GLS: variants seen among roughly 807,000 people sequenced by gnomAD.
GLS encodes the protein glutaminase kidney isoform, mitochondrial.
GLS carries 36 observed loss-of-function variants against 86.7 expected under a neutral mutation model. The observed-to-expected ratio is 0.42, with a 90% CI of 0.32 to 0.55. The LOEUF (loss-of-function observed/expected upper bound fraction) is 0.55. GLS is among the 20% of genes least tolerant of loss of function. The pLI is 0.17. For missense variants in GLS, 528 were observed against 833.4 expected (o/e 0.63, Z 4.51); for synonymous variants, 317 against 305.9 (o/e 1.04, Z -0.38).
intron 3 of GLS, among the ~76,000 whole-genome samples, chr2:190,898,483 G>T (rs939002691): frequency 7.9e-5 from 12 of 152,118 alleles, no homozygotes; most frequent in African/African-American, 2.4e-4. Flanking sequence ...ATGGTGATCG[G>T]TATGCAGTTA....
intron 1 of GLS, chr2:190,881,792 C>T: frequency 7.8e-6 from 2 of 255,448 alleles, no homozygotes; most frequent in Non-Finnish European, 1.5e-5. Flanking sequence ...GCGCTGCGTG[C>T]TCAGCTCCCT....
intron 3 of GLS, among the ~76,000 whole-genome samples, chr2:190,898,336 A>G (rs1031211474): frequency 1.3e-5 from 2 of 152,226 alleles, no homozygotes; most frequent in Admixed American, 1.3e-4. Flanking sequence ...AAAACTGAAC[A>G]AAGGACAGAG....
intron 7 of GLS, among the ~76,000 whole-genome samples, chr2:190,916,908 G>T (rs1689553162): frequency 6.6e-6 from 1 of 152,156 alleles, no homozygotes; most frequent in Admixed American, 6.6e-5. Flanking sequence ...AAATGCTAAG[G>T]ATCATCGGAG....
rs149054832 is a variant in GLS, at chr2:190,942,440, G to A, written c.1650+10803G>A. On this transcript the variant is annotated intron_variant, in intron 14 of 17. Transcript: ENST00000320717. ...ATTTGGTTTTTAAATACTGCTCTGCGGAGAATGGATTAAAGAGAGAGAAAG... is the reference window on the plus strand; with the variant it reads ...ATTTGGTTTTTAAATACTGCTCTGCAGAGAATGGATTAAAGAGAGAGAAAG... 1.5e-4 allele frequency among the ~76,000 whole-genome samples: 23 copies of A among 152,230 alleles called. No individual in the cohort carries two copies. In the East Asian group the frequency reaches 3.7e-3, roughly 24 times the overall value.
intron 1 of GLS, among the ~76,000 whole-genome samples, chr2:190,886,515 C>T (rs1334993473): frequency 6.6e-6 from 1 of 151,782 alleles, no homozygotes; most frequent in Non-Finnish European, 1.5e-5. Flanking sequence ...AATATGTAGG[C>T]CAGCTAAAAG....
At chr2:190,891,123 T>G (rs1364046749) in intron 1 of GLS, among the ~76,000 whole-genome samples, 1 of 152,122 alleles carries the variant, frequency 6.6e-6, no homozygotes, top group African/African-American at 2.4e-5. Flanking sequence ...TGCTCCTAAT[T>G]ACAGATTAGA....
chr2:190,881,647 T>C (rs1029945648), intron 1 of GLS, 177 bp downstream of exon 1: 6 of 560,268 alleles, frequency 1.1e-5, no homozygotes, highest in East Asian at 3.7e-5. Flanking sequence ...CGCCCGCGCC[T>C]TCCCCGCCCG....
intron 5 of GLS, 151 bp from the exon 6 acceptor site, chr2:190,904,853 A>T: frequency 1.6e-6 from 1 of 613,556 alleles, no homozygotes. Context: ...GACTGTACTT[A>T]AATTTATTCT....
At chr2:190,929,537 T>G (rs1690030924) in intron 12 of GLS, among the ~76,000 whole-genome samples, 1 of 151,464 alleles carries the variant, frequency 6.6e-6, no homozygotes. Context: ...TGGTGCGATC[T>G]TGGCTCACTG....
Position 190,880,893 on chromosome 2 carries a change from A to AGCAGCAGCG in GLS, c.-184_-183insGGCAGCAGC, listed in dbSNP as rs1688116948. 2 of 511,368 alleles carry AGCAGCAGCG rather than the reference A, an allele frequency of 3.9e-6. No homozygotes were observed. The highest frequency in any genetic ancestry group is 3.2e-5 in the Admixed American group (1 of 31,050). The allele number at this position is 511,368 out of a possible 1,614,324, so 31.7% of individuals were successfully genotyped here. The stretch of plus-strand genomic sequence containing the variant: ...AGCGCGCAGCAGCAGCAGCAGCAGC[A>AGCAGCAGCG]GCAGCAGCAGCAGCAGCAGCAGCAG... On this transcript the variant is annotated 5_prime_UTR_variant, in exon 1 of 18. Transcript: ENST00000320717.
rs893264560 is a variant in GLS at position 190,897,712 on chromosome 2, C to T, written c.605+1987C>T. On this transcript the variant is annotated intron_variant, in intron 3 of 17. Coordinates refer to ENST00000320717, the MANE Select transcript of GLS (RefSeq NM_014905.5). The surrounding 1 kb of genome is among the most constrained non-coding windows in gnomAD (Gnocchi z 4.3). The stretch of plus-strand genomic sequence containing the variant: ...TAAGAAGTTACCTAGTTAGTGTTGC[C>T]AGAAATAAACTTCTCCCTTTCATGC... Among the ~76,000 whole-genome samples the T allele has an allele frequency of 2.0e-5, 3 of 152,114 alleles. No homozygotes were observed. Among genetic ancestry groups the T allele is most frequent in the African/African-American group, 7.2e-5 (3 of 41,420 alleles).
chr2:190,901,208 A>G (rs1261108531), intron 4 of GLS, among the ~76,000 whole-genome samples: 1 of 152,100 alleles, frequency 6.6e-6, no homozygotes, highest in Non-Finnish European at 1.5e-5. Context: ...CTTAAAACTT[A>G]ACTACTTATA....
chr2:190,906,665 C>T (rs778908905), intron 6 of GLS, among the ~76,000 whole-genome samples: 24 of 152,110 alleles, frequency 1.6e-4, no homozygotes, highest in Admixed American at 5.9e-4. Flanking sequence ...TATATTACAC[C>T]TTCCTGAATT....
chr2:190,929,658 C>T (rs1338805681), intron 12 of GLS, among the ~76,000 whole-genome samples: 3 of 151,698 alleles, frequency 2.0e-5, no homozygotes, highest in African/African-American at 4.8e-5. Context: ...TTTGTGGAGA[C>T]GGAGTTTTGC....
In GLS at chr2:190,953,770, T is replaced by A. The variant is rs1574621580; in HGVS notation, c.1712+144T>A. On this transcript the variant is annotated intron_variant, in intron 15 of 17. Transcript: ENST00000320717. The surrounding 1 kb of genome is among the most constrained non-coding windows in gnomAD (Gnocchi z 4.0). ...AACAAAATTTTTATTAAATAGGCACTTCCAGTGCCTTAGGCCTGCTTTCCA... is the reference window on the plus strand; with the variant it reads ...AACAAAATTTTTATTAAATAGGCACATCCAGTGCCTTAGGCCTGCTTTCCA... 6.3e-6 allele frequency: 4 copies of A among 636,310 alleles called. No homozygotes were observed. The highest frequency in any genetic ancestry group is 1.1e-5 in the Non-Finnish European group (4 of 353,458). 39.4% of individuals were successfully genotyped at this position (636,310 alleles called of 1,614,324 possible).
chr2:190,933,283 T>C (rs1690168671), intron 14 of GLS: 3 of 911,596 alleles, frequency 3.3e-6, no homozygotes, highest in East Asian at 1.2e-4. Flanking sequence ...GTGATGTCTT[T>C]AGTGGCAATA....
Position 190,927,350 on chromosome 2 carries a change from T to G in GLS, c.1293T>G (p.Ala431=), listed in dbSNP as rs775577640. 3 of 1,613,694 alleles carry G rather than the reference T, an allele frequency of 1.9e-6. No homozygotes were observed. Among genetic ancestry groups the G allele is most frequent in the South Asian group, 1.1e-5 (1 of 91,060 alleles). ...CTTGTGAATCAGCCAGTGTGATGGCTGCGACACTGGCTAATGGTGGTTTCT... is the reference window on the plus strand; with the variant it reads ...CTTGTGAATCAGCCAGTGTGATGGCGGCGACACTGGCTAATGGTGGTTTCT... ...EVTCESASVM[A]ATLANGGFCP... Residue 431 remains alanine (A), a synonymous_variant, in exon 12 of 18, where the codon GCT becomes GCG. Transcript: ENST00000320717.
chr2:190,927,227 A>G (rs2124908082), intron 11 of GLS, 79 bp from the exon 12 acceptor site: 2 of 1,041,144 alleles, frequency 1.9e-6, no homozygotes, highest in South Asian at 3.4e-5. Flanking sequence ...TGTATGAAAT[A>G]CCAAATAAAA....
chr2:190,909,470 T>C (rs1481050751), intron 6 of GLS, among the ~76,000 whole-genome samples: 1 of 151,988 alleles, frequency 6.6e-6, no homozygotes, highest in Non-Finnish European at 1.5e-5. Context: ...CAATCCCTTC[T>C]CCCCCCTCCC....
Sources: allele counts gnomAD v4.1 joint callset (sites outside exome capture counted in the v4.1 genomes callset), GRCh38; gene constraint gnomAD v4.1.1; non-coding constraint Gnocchi (gnomAD v3.1); transcripts MANE v1.5; gene names NCBI Gene and HGNC (gene_info 2026-07-23, HGNC 2026-07-21).